Variants in SLC17A5 observed in about 807,000 individuals in gnomAD.
The protein encoded by SLC17A5 is solute carrier family 17 member 5.
A neutral mutation model predicts 59.4 loss-of-function variants in SLC17A5; 47 were observed. The ratio of observed to expected loss-of-function variants is 0.79; its 90% CI spans 0.63 to 1.01. The LOEUF (loss-of-function observed/expected upper bound fraction) is 1.01, where lower values mean the gene tolerates loss of function less well. SLC17A5 is among the 50% of genes least tolerant of loss of function. The probability of loss-of-function intolerance (pLI) is 0.00; values close to 1 mark genes in which losing one functional copy is unlikely to be tolerated. For synonymous variants in SLC17A5, 202 were observed against 210.7 expected (o/e 0.96, Z 0.36); for missense variants, 522 against 595.5 (o/e 0.88, Z 1.28).
chr6:73,600,175 C>T (rs1010206913), intron 10 of SLC17A5, among the ~76,000 whole-genome samples, 176 bp downstream of exon 10: 4 of 152,180 alleles, frequency 2.6e-5, no homozygotes, highest in Admixed American at 6.5e-5. Context: ...GTCTAAAATC[C>T]AAAAACTGTT....
At chr6:73,638,580 A>C in intron 3 of SLC17A5, 81 bp from the exon 4 acceptor site, 1 of 1,110,942 alleles carries the variant, frequency 9.0e-7, no homozygotes, top group African/African-American at 1.5e-5. Context: ...GTATTTTGCT[A>C]CAAAAGCATT....
intron 2 of SLC17A5, 70 bp from the exon 3 acceptor site, chr6:73,641,994 C>CA: frequency 7.9e-6 from 10 of 1,271,520 alleles, no homozygotes; most frequent in African/African-American, 1.5e-5. Context: ...CTCTTACTGG[C>CA]ATGTAAGTAC....
chr6:73,599,823 G>A (rs928429364), intron 10 of SLC17A5, among the ~76,000 whole-genome samples: 12 of 150,950 alleles, frequency 7.9e-5, no homozygotes, highest in Admixed American at 2.0e-4. Flanking sequence ...TTTTTGAGAC[G>A]GAGTCTTGCT....
intron 9 of SLC17A5, among the ~76,000 whole-genome samples, chr6:73,602,333 C>T (rs910178720): frequency 6.8e-6 from 1 of 148,108 alleles, no homozygotes; most frequent in African/African-American, 2.5e-5. Context: ...CCTAGGAAAA[C>T]CAGAGACCTT....
In SLC17A5 at chr6:73,653,985, G is replaced by C. The variant is rs1031699478; in HGVS notation, c.-99C>G. The C allele has an allele frequency of 7.9e-5, 90 of 1,134,844 alleles. No individual in the cohort carries two copies. Among genetic ancestry groups the C allele is most frequent in the Non-Finnish European group, 1.1e-4 (89 of 784,816 alleles). 70.3% of individuals were successfully genotyped at this position (1,134,844 alleles called of 1,614,324 possible). A position where few individuals can be genotyped will look rare whatever the true frequency, so the allele number is the denominator to read the frequency against. The stretch of plus-strand genomic sequence containing the variant: ...GGCCGAGCTGGCTGGACCGGGCGGG[G>C]CGGGGGCGATGACACCGCCCCGCGG... On this transcript the variant is annotated 5_prime_UTR_variant, in exon 1 of 11. Coordinates refer to ENST00000355773, the MANE Select transcript of SLC17A5 (RefSeq NM_012434.5).
At chr6:73,610,693 A>G (rs1189884110) in intron 8 of SLC17A5, 146 bp from the exon 9 acceptor site, 15 of 686,036 alleles carry the variant, frequency 2.2e-5, no homozygotes, top group Non-Finnish European at 3.4e-5. Context: ...TTTCATGAGA[A>G]AAAAAAAATG....
Position 73,641,726 on chromosome 6 carries a change from G to A in SLC17A5, c.490C>T (p.Leu164Phe). The A allele has an allele frequency of 6.2e-7, 1 of 1,614,034 alleles. No homozygotes were observed. Among genetic ancestry groups the A allele is most frequent in the South Asian group, 1.1e-5 (1 of 91,074 alleles). ...PIAADLGVGP[L>F]IVLRALEGLG... is the part of the protein sequence containing the mutation. Reference sequence around the variant, plus strand: ...CCTTCTAGTGCTCTGAGTACAATGAGTGGTCCAACTCCTAAATCTGCAGCA... The same window carrying A: ...CCTTCTAGTGCTCTGAGTACAATGAATGGTCCAACTCCTAAATCTGCAGCA... Residue 164 changes from leucine to phenylalanine, a missense_variant, in exon 3 of 11, where the codon CTC (leucine) becomes TTC (phenylalanine). By Grantham distance (22) the Leu-to-Phe change is conservative (BLOSUM62 0). Around this residue, in one of 3 missense-constraint regions of SLC17A5, gnomAD observed 338 missense variants for 363.8 expected, o/e 0.93. Coordinates refer to ENST00000355773, the MANE Select transcript of SLC17A5 (RefSeq NM_012434.5).
chr6:73,632,420 C>T (rs1011817380), intron 6 of SLC17A5, among the ~76,000 whole-genome samples: 5 of 135,126 alleles, frequency 3.7e-5, no homozygotes, highest in Non-Finnish European at 6.2e-5. Context: ...AGACACATAT[C>T]GATGTAGAGA....
intron 10 of SLC17A5, among the ~76,000 whole-genome samples, chr6:73,597,805 A>C (rs950824844): frequency 6.6e-6 from 1 of 152,030 alleles, no homozygotes; most frequent in Non-Finnish European, 1.5e-5. Flanking sequence ...ACAAACAAAC[A>C]AACAAAAAAC....
intron 6 of SLC17A5, among the ~76,000 whole-genome samples, chr6:73,630,904 G>A (rs1452200919): frequency 6.7e-6 from 1 of 149,284 alleles, no homozygotes; most frequent in African/African-American, 2.6e-5. Context: ...AAATTAGCTG[G>A]GTGTGGTGGT....
intron 9 of SLC17A5, among the ~76,000 whole-genome samples, chr6:73,605,427 G>T (rs1767347272): frequency 6.6e-6 from 1 of 151,974 alleles, no homozygotes; most frequent in Non-Finnish European, 1.5e-5. Flanking sequence ...GCCCTCAGTT[G>T]TTACCACAAC....
At chr6:73,632,475 C>T (rs1768788518) in intron 6 of SLC17A5, among the ~76,000 whole-genome samples, 1 of 114,796 alleles carries the variant, frequency 8.7e-6, no homozygotes, top group South Asian at 3.0e-4. Context: ...CAGGGTCTTG[C>T]TCTGTTGCCC....
chr6:73,635,402 G>A lies in SLC17A5; in HGVS notation c.799C>T (p.Leu267Phe). The change falls in exon 6 of 11, where the codon CTT becomes TTT. Residue 267 changes from leucine to phenylalanine, a missense_variant. By Grantham distance (22) the Leu-to-Phe change is conservative. Around this residue, in one of 3 missense-constraint regions of SLC17A5, gnomAD observed 338 missense variants for 363.8 expected, o/e 0.93. Coordinates refer to ENST00000355773, the MANE Select transcript of SLC17A5 (RefSeq NM_012434.5). ...CATACCTGATTTCTTAATGATGAAA[G>A]AATGTATTCCTTTTCATAATGGGAA... Reference protein sequence around the residue: ...RISHYEKEYILSSLRNQLSSQ... With the variant: ...RISHYEKEYIFSSLRNQLSSQ... 1 of 1,577,568 alleles carries A rather than the reference G, an allele frequency of 6.3e-7. No homozygotes were observed. The highest frequency in any genetic ancestry group is 8.7e-7 in the Non-Finnish European group (1 of 1,148,476).
chr6:73,636,730 T>C, intron 4 of SLC17A5, 23 bp from the exon 5 acceptor site: 2 of 1,530,636 alleles, frequency 1.3e-6, no homozygotes, highest in Non-Finnish European at 9.1e-7. Flanking sequence ...ATAAGACTAT[T>C]TTATAAACTT....
chr6:73,651,967 A>G (rs373289560), intron 1 of SLC17A5, among the ~76,000 whole-genome samples: 5 of 147,558 alleles, frequency 3.4e-5, no homozygotes, highest in Non-Finnish European at 7.5e-5. Flanking sequence ...ATGTATGAGC[A>G]TAAGGCAAGA....
chr6:73,610,400 G>A lies in SLC17A5; in HGVS notation c.1259C>T (p.Ser420Leu), dbSNP rs1318820697. Residue 420 changes from serine (S) to leucine (L), a missense_variant and splice_region_variant, in exon 9 of 11, where the codon TCG (serine) becomes TTG (leucine). Physicochemically the swap from Ser to Leu is moderately radical, Grantham distance 145. Around this residue, in one of 3 missense-constraint regions of SLC17A5, gnomAD observed 153 missense variants for 168.5 expected, o/e 0.91. Transcript: ENST00000355773. ...AGCAAATCTTTATATTAGTACTCACGAAGGAGCAATATCCAGATGGTTGAT... is the reference window on the plus strand; with the variant it reads ...AGCAAATCTTTATATTAGTACTCACAAAGGAGCAATATCCAGATGGTTGAT... ...FSINHLDIAPSYAGILLGITN... is the reference protein window; with the variant it reads ...FSINHLDIAPLYAGILLGITN... 3.1e-6 allele frequency: 5 copies of A among 1,613,864 alleles called. No individual in the cohort carries two copies. The South Asian group carries it at 3.3e-5, about 11-fold the overall frequency.
Position 73,644,509 on chromosome 6 carries a change from C to A in SLC17A5, c.189G>T (p.Ala63=). The A allele has an allele frequency of 6.2e-7, 1 of 1,613,820 alleles. No individual in the cohort carries two copies. The highest frequency in any genetic ancestry group is 8.5e-7 in the Non-Finnish European group (1 of 1,179,830). ...VYALRVNLSV[A]LVDMVDSNTT... ...TATTTGAATCTACCATATCCACTAACGCAACACTCAGATTCACACGTAATG... is the reference window on the plus strand; with the variant it reads ...TATTTGAATCTACCATATCCACTAAAGCAACACTCAGATTCACACGTAATG... The change falls in exon 2 of 11, where the codon GCG becomes GCT. Residue 63 remains alanine, a synonymous_variant. Transcript: ENST00000355773.
Position 73,615,880 on chromosome 6 carries a change from C to CTTTT in SLC17A5, c.979-437_979-434dup, listed in dbSNP as rs71674685. Among the ~76,000 whole-genome samples, 566 of 97,470 alleles carry CTTTT rather than the reference C, an allele frequency of 5.8e-3. 4 individuals are homozygous for CTTTT. The highest frequency in any genetic ancestry group is 0.013 in the Middle Eastern group (2 of 152). The allele number at this position is 97,470 out of a possible 152,430, so 63.9% of individuals were successfully genotyped here. On this transcript the variant is annotated intron_variant, in intron 7 of 10. Coordinates refer to ENST00000355773, the MANE Select transcript of SLC17A5 (RefSeq NM_012434.5). Reference sequence around the variant, plus strand: ...CATAAACATAGCTTAATGAATCATTCTTTTTTTTTTTTTTTTTTTTTTTGA... The same window carrying CTTTT: ...CATAAACATAGCTTAATGAATCATTCTTTTTTTTTTTTTTTTTTTTTTTTTTTGA...
At chr6:73,627,542 A>G (rs994245189) in intron 6 of SLC17A5, among the ~76,000 whole-genome samples, 1 of 151,848 alleles carries the variant, frequency 6.6e-6, no homozygotes, top group African/African-American at 2.4e-5. Flanking sequence ...CTAACACACT[A>G]CTATCTTGCC....
Sources: allele counts gnomAD v4.1 joint callset (sites outside exome capture counted in the v4.1 genomes callset), GRCh38; gene constraint gnomAD v4.1.1; regional missense constraint gnomAD v4.1.1; transcripts MANE v1.5; gene names NCBI Gene and HGNC (gene_info 2026-07-23, HGNC 2026-07-21).